The following ANKFN1 variants were observed in gnomAD, a reference collection of about 807,000 sequenced individuals.
ANKFN1 encodes ankyrin repeat and fibronectin type III domain containing 1.
Under a neutral mutation model 108.7 loss-of-function variants are expected in ANKFN1, and 74 were observed. The ratio of observed to expected loss-of-function variants is 0.68; its 90% CI spans 0.56 to 0.83. The LOEUF (loss-of-function observed/expected upper bound fraction) is 0.83. ANKFN1 is among the 40% of genes least tolerant of loss of function. The probability of loss-of-function intolerance (pLI) is 0.00; values close to 1 mark genes in which losing one functional copy is unlikely to be tolerated. For synonymous variants in ANKFN1, 547 were observed against 516.2 expected (o/e 1.06, Z -0.81); for missense variants, 1,505 against 1,382.3 (o/e 1.09, Z -1.41).
intron 4 of ANKFN1, among the ~76,000 whole-genome samples, chr17:56,096,016 T>G (rs987043526): frequency 6.6e-6 from 1 of 152,132 alleles, no homozygotes; most frequent in Non-Finnish European, 1.5e-5. Flanking sequence ...TTACCTTATT[T>G]CCCCAGGCCT....
At chr17:56,066,846 T>C (rs1328386869) in intron 4 of ANKFN1, among the ~76,000 whole-genome samples, 1 of 152,220 alleles carries the variant, frequency 6.6e-6, no homozygotes, top group African/African-American at 2.4e-5. Context: ...TTGACTTATT[T>C]CACTTCATAA....
Position 56,466,567 on chromosome 17 carries a change from TC to T in ANKFN1, c.1771del (p.Gln591ArgfsTer23), listed in dbSNP as rs2050079496. 6.2e-7 allele frequency: 1 copy of T among 1,604,854 alleles called. No homozygotes were observed. Among genetic ancestry groups the T allele is most frequent in the Non-Finnish European group, 8.5e-7 (1 of 1,175,256 alleles). On this transcript the variant is annotated frameshift_variant, in exon 15 of 21. Coordinates refer to ENST00000682825, the MANE Select transcript of ANKFN1 (RefSeq NM_001370326.1). LOFTEE classifies it high-confidence loss of function. The stretch of plus-strand genomic sequence containing the variant: ...GCTTTAGACATTCTACTGATAACCA[TC>T]CAGGTATGTAGTTTTTTTCTTAATT... Reference protein sequence around the residue: ...PTALDILLITIQDILSYHKRS... With the variant: ...PTALDILLITXQDILSYHKRS...
intron 3 of ANKFN1, among the ~76,000 whole-genome samples, chr17:56,281,263 A>T (rs1324557178): frequency 2.0e-5 from 3 of 152,222 alleles, no homozygotes; most frequent in African/African-American, 7.2e-5. Context: ...TTATTAAACA[A>T]TTAATTGATT....
At chr17:56,337,196 T>C (rs528051703) in intron 4 of ANKFN1, among the ~76,000 whole-genome samples, 15 of 152,308 alleles carry the variant, frequency 9.8e-5, no homozygotes, top group African/African-American at 3.1e-4. Flanking sequence ...GTATATTCTG[T>C]TGATTTGGGG....
intron 3 of ANKFN1, among the ~76,000 whole-genome samples, chr17:56,257,448 C>T (rs1307028602): frequency 1.3e-5 from 2 of 152,228 alleles, no homozygotes; most frequent in East Asian, 1.9e-4. Flanking sequence ...CTTGCTCATA[C>T]ATCTGGAAAA....
intron 3 of ANKFN1, among the ~76,000 whole-genome samples, chr17:56,304,540 A>G (rs1360805235): frequency 1.3e-5 from 2 of 152,212 alleles, no homozygotes; most frequent in African/African-American, 4.8e-5. Context: ...TATGTTAATT[A>G]CATGCTTAGT....
intron 6 of ANKFN1, among the ~76,000 whole-genome samples, chr17:56,363,433 G>A (rs779031664): frequency 2.0e-5 from 3 of 152,172 alleles, no homozygotes; most frequent in Non-Finnish European, 2.9e-5. Context: ...AAGTGTCGGT[G>A]AGGATGTGGA....
intron 3 of ANKFN1, among the ~76,000 whole-genome samples, chr17:56,255,137 G>C (rs373445181): frequency 3.9e-5 from 6 of 152,334 alleles, no homozygotes; most frequent in African/African-American, 1.4e-4. Context: ...CCATGGCCTT[G>C]CAACTCTTGG....
intron 6 of ANKFN1, among the ~76,000 whole-genome samples, chr17:56,359,784 T>C (rs930382353): frequency 1.3e-5 from 2 of 152,210 alleles, no homozygotes; most frequent in African/African-American, 2.4e-5. Context: ...GCTGGTTTTA[T>C]GTAAACAAAC....
intron 6 of ANKFN1, among the ~76,000 whole-genome samples, chr17:56,363,790 T>A (rs769057373): frequency 6.6e-6 from 1 of 152,144 alleles, no homozygotes; most frequent in Non-Finnish European, 1.5e-5. Context: ...ATCGATGGAA[T>A]TGGAGAACAT....
At chr17:56,335,671 T>C (rs986404363) in intron 4 of ANKFN1, among the ~76,000 whole-genome samples, 5 of 152,194 alleles carry the variant, frequency 3.3e-5, no homozygotes, top group Non-Finnish European at 5.9e-5. Context: ...ACAGGGACAA[T>C]TTGATTTCCT....
Position 56,516,384 on chromosome 17 carries a change from A to C in ANKFN1, c.*5115A>C, listed in dbSNP as rs183095880. Among the ~76,000 whole-genome samples the C allele has an allele frequency of 1.3e-5, 2 of 152,278 alleles. No homozygotes were observed. Among genetic ancestry groups the C allele is most frequent in the South Asian group, 2.1e-4 (1 of 4,826 alleles). On this transcript the variant is annotated 3_prime_UTR_variant, in exon 21 of 21. Coordinates refer to ENST00000682825, the MANE Select transcript of ANKFN1 (RefSeq NM_001370326.1). ...GCTTCCTTCCTAATGTGTACATAGC[A>C]ATCTGGCTGATTATTGGTTGTTACT...
At chr17:56,338,950 C>T (rs2045889667) in intron 4 of ANKFN1, among the ~76,000 whole-genome samples, 1 of 152,070 alleles carries the variant, frequency 6.6e-6, no homozygotes, top group African/African-American at 2.4e-5. Flanking sequence ...GGGTAAATAT[C>T]ACTACCTTAC....
chr17:56,196,819 T>G (rs1913558346), intron 1 of ANKFN1, among the ~76,000 whole-genome samples: 1 of 152,186 alleles, frequency 6.6e-6, no homozygotes, highest in Non-Finnish European at 1.5e-5. Flanking sequence ...GCTGTTCTGG[T>G]GCCTGATAGA....
At chr17:56,050,815 T>C (rs1400222480) in intron 4 of ANKFN1, among the ~76,000 whole-genome samples, 1 of 152,096 alleles carries the variant, frequency 6.6e-6, no homozygotes, top group African/African-American at 2.4e-5. Flanking sequence ...CTAGAAAATC[T>C]AGAAGAAATG....
rs1568024268 is a variant in ANKFN1 at position 56,466,367 on chromosome 17, G to A, written c.1569G>A (p.Gly523=). The change falls in exon 15 of 21, where the codon GGG becomes GGA. Residue 523 remains glycine (G), a synonymous_variant. Transcript: ENST00000682825. ...AATAQLQNLL[G]THNLGRVYYE... is the part of the protein sequence containing the mutation. ...CCATTTGTTTCCAGAATTTACTTGG[G>A]ACACACAACTTGGGAAGAGTTTACT... 1.2e-6 allele frequency: 2 copies of A among 1,613,938 alleles called. No individual in the cohort carries two copies. Among genetic ancestry groups the A allele is most frequent in the Non-Finnish European group, 1.7e-6 (2 of 1,179,998 alleles).
intron 8 of ANKFN1, among the ~76,000 whole-genome samples, chr17:56,382,632 A>G (rs1381497812): frequency 1.3e-5 from 2 of 152,230 alleles, no homozygotes; most frequent in Non-Finnish European, 2.9e-5. Context: ...GGATGGAGGA[A>G]GATCTACCAA....
intron 3 of ANKFN1, among the ~76,000 whole-genome samples, chr17:56,310,606 G>C (rs975108174): frequency 1.2e-4 from 17 of 147,252 alleles, no homozygotes; most frequent in Admixed American, 1.0e-3. Flanking sequence ...AACAGAGTGA[G>C]ACTCCATCTC....
chr17:56,195,901 C>T (rs914959997), intron 1 of ANKFN1, among the ~76,000 whole-genome samples: 3 of 152,070 alleles, frequency 2.0e-5, no homozygotes, highest in Non-Finnish European at 4.4e-5. Flanking sequence ...TGCCACATTA[C>T]AGCATAATTA....
Sources: allele counts gnomAD v4.1 joint callset (sites outside exome capture counted in the v4.1 genomes callset), GRCh38; gene constraint gnomAD v4.1.1; transcripts MANE v1.5; gene names NCBI Gene and HGNC (gene_info 2026-07-23, HGNC 2026-07-21).